The following SSH2 variants were observed in gnomAD, a reference collection of about 807,000 sequenced individuals.
SSH2 encodes the protein slingshot protein phosphatase 2.
A neutral mutation model predicts 135.2 loss-of-function variants in SSH2; 37 were observed. The ratio of observed to expected loss-of-function variants is 0.27; its 90% CI spans 0.21 to 0.36. SSH2 has a LOEUF of 0.36. Ranked by LOEUF, SSH2 falls within the 10% of genes least tolerant of loss-of-function variation. The probability of loss-of-function intolerance (pLI) is 1.00; values close to 1 mark genes in which losing one functional copy is unlikely to be tolerated. For missense variants in SSH2, 1,408 were observed against 1,765.3 expected (o/e 0.80, Z 3.63); for synonymous variants, 628 against 646.2 (o/e 0.97, Z 0.43).
chr17:29,703,766 A>G (rs537037933), intron 3 of SSH2, among the ~76,000 whole-genome samples: 12 of 151,954 alleles, frequency 7.9e-5, no homozygotes, highest in African/African-American at 2.9e-4. Flanking sequence ...TTTAATAGAG[A>G]TGGGGTTTTA....
At chr17:29,777,308 T>G (rs1459541641) in intron 3 of SSH2, among the ~76,000 whole-genome samples, 1 of 152,216 alleles carries the variant, frequency 6.6e-6, no homozygotes, top group Admixed American at 6.5e-5. Flanking sequence ...CTAGTTCTTA[T>G]TGGAAAGGCC....
At chr17:29,865,098 C>A (rs907613332) in intron 1 of SSH2, among the ~76,000 whole-genome samples, 49 of 152,178 alleles carry the variant, frequency 3.2e-4, no homozygotes, top group Admixed American at 5.9e-4. Context: ...TCTCCAGGCA[C>A]TGAAGAAACA....
chr17:29,665,718 C>T (rs1354785492), intron 11 of SSH2, among the ~76,000 whole-genome samples: 1 of 152,126 alleles, frequency 6.6e-6, no homozygotes, highest in Non-Finnish European at 1.5e-5. Flanking sequence ...TAACTTTGTT[C>T]CCACTAAATG....
Position 29,631,200 on chromosome 17 carries a change from G to T in SSH2, c.3994C>A (p.Gln1332Lys). The T allele has an allele frequency of 6.2e-7, 1 of 1,614,078 alleles. No individual in the cohort carries two copies. The highest frequency in any genetic ancestry group is 8.5e-7 in the Non-Finnish European group (1 of 1,180,028). ...TDSGMHAMED[Q>K]ESLENPGAPH... ...GCACCTGGGTTTTCTAGGGACTCTT[G>T]GTCCTCCATCGCGTGCATGCCTGAG... The change falls in exon 16 of 16, where the codon CAA becomes AAA. Residue 1332 changes from glutamine (Q) to lysine (K), a missense_variant. Physicochemically the swap from Gln to Lys is moderately conservative, Grantham distance 53. Transcript: ENST00000540801.
At chr17:29,714,592 A>C (rs1215811236) in intron 3 of SSH2, among the ~76,000 whole-genome samples, 1 of 152,046 alleles carries the variant, frequency 6.6e-6, no homozygotes, top group African/African-American at 2.4e-5. Context: ...ATCCTACTAT[A>C]ATCTTAAGAC....
At chr17:29,837,425 T>C (rs2042960816) in intron 2 of SSH2, among the ~76,000 whole-genome samples, 2 of 152,206 alleles carry the variant, frequency 1.3e-5, no homozygotes, top group African/African-American at 4.8e-5. Context: ...TTTCCAGTGA[T>C]AGATACCATC....
intron 3 of SSH2, among the ~76,000 whole-genome samples, chr17:29,766,020 C>CAAAAAAAAA: frequency 9.9e-6 from 1 of 100,626 alleles, no homozygotes; most frequent in Non-Finnish European, 2.0e-5. Context: ...ACTCCGTCTC[C>CAAAAAAAAA]AAAAAAAAAA....
chr17:29,839,814 G>A (rs891181003), intron 2 of SSH2, among the ~76,000 whole-genome samples: 1 of 152,170 alleles, frequency 6.6e-6, no homozygotes, highest in Non-Finnish European at 1.5e-5. Context: ...CAAGGGCAAA[G>A]GCAATCCAGC....
chr17:29,714,573 A>G (rs931639655), intron 3 of SSH2, among the ~76,000 whole-genome samples: 2 of 151,988 alleles, frequency 1.3e-5, no homozygotes, highest in Non-Finnish European at 2.9e-5. Flanking sequence ...TCTTTCCCCA[A>G]TTCCCCAAAT....
intron 1 of SSH2, among the ~76,000 whole-genome samples, chr17:29,907,062 G>A (rs1174165464): frequency 6.6e-6 from 1 of 152,134 alleles, no homozygotes; most frequent in Admixed American, 6.5e-5. Context: ...ACATGCACAC[G>A]TATGTTGACT....
In SSH2 at chr17:29,848,738, TC is replaced by T. The variant is rs1396363864; in HGVS notation, c.144+110del. The T allele has an allele frequency of 1.1e-4, 73 of 663,532 alleles. 1 individual carries two copies. The South Asian group carries it at 1.5e-3, about 14-fold the overall frequency. The allele number at this position is 663,532 out of a possible 1,614,324, so 41.1% of individuals were successfully genotyped here. A position where few individuals can be genotyped will look rare whatever the true frequency, so the allele number is the denominator to read the frequency against. On this transcript the variant is annotated intron_variant, in intron 2 of 15. Transcript: ENST00000540801. ...TTCCCAGACATTTGGCTGAATGGGG[TC>T]AAATAGATAAAATAATAGGCACTAT... is the stretch of plus-strand genomic sequence containing the variant.
At chr17:29,653,682 G>A (rs191051702) in intron 12 of SSH2, among the ~76,000 whole-genome samples, 2 of 152,168 alleles carry the variant, frequency 1.3e-5, no homozygotes, top group East Asian at 1.9e-4. Context: ...CACCTCCCGG[G>A]TTCAAGCAAT....
intron 3 of SSH2, among the ~76,000 whole-genome samples, chr17:29,753,350 G>A (rs1362673446): frequency 6.6e-6 from 1 of 151,456 alleles, no homozygotes; most frequent in Non-Finnish European, 1.5e-5. Context: ...GGCTGGTCTC[G>A]AACTCCTGAC....
chr17:29,690,337 G>A (rs147529200), intron 5 of SSH2, among the ~76,000 whole-genome samples: 8,076 of 151,588 alleles, frequency 0.053, 324 homozygotes, highest in Non-Finnish European at 0.085. Flanking sequence ...CCTGGGAGGC[G>A]GAGGTTGTGG....
intron 3 of SSH2, among the ~76,000 whole-genome samples, chr17:29,708,576 G>A (rs1228187377): frequency 2.2e-5 from 3 of 139,370 alleles, no homozygotes; most frequent in Admixed American, 7.5e-5. Flanking sequence ...GACGACAGAG[G>A]GGAACTCTGC....
intron 2 of SSH2, among the ~76,000 whole-genome samples, chr17:29,795,967 T>C (rs1371930254): frequency 6.6e-6 from 1 of 152,214 alleles, no homozygotes; most frequent in African/African-American, 2.4e-5. Flanking sequence ...GGTCTCAAAC[T>C]CCTGAACTCA....
In SSH2 at chr17:29,850,174, C is replaced by T. The variant is rs79586058; in HGVS notation, c.64-1245G>A. Among the ~76,000 whole-genome samples the T allele has an allele frequency of 2.8e-3, 418 of 151,988 alleles. 1 individual carries two copies. The highest frequency in any genetic ancestry group is 4.4e-3 in the Non-Finnish European group (297 of 67,964). ...TAGAAGACAGACAAGGAAAATAAGA[C>T]AAAGGAGTGAAATAATTAGCTGGTA... On this transcript the variant is annotated intron_variant, in intron 1 of 15. Transcript: ENST00000540801.
At chr17:29,674,553 C>G (rs1171926751) in intron 8 of SSH2, among the ~76,000 whole-genome samples, 1 of 152,170 alleles carries the variant, frequency 6.6e-6, no homozygotes, top group Admixed American at 6.6e-5. Flanking sequence ...GAAGGAAACA[C>G]CTGGTCTAAA....
At chr17:29,891,230 A>T (rs973357706) in intron 1 of SSH2, among the ~76,000 whole-genome samples, 4 of 152,114 alleles carry the variant, frequency 2.6e-5, no homozygotes, top group African/African-American at 9.7e-5. Context: ...ACTTAACAGA[A>T]TCACCCAAGA....
Sources: allele counts gnomAD v4.1 joint callset (sites outside exome capture counted in the v4.1 genomes callset), GRCh38; gene constraint gnomAD v4.1.1; transcripts MANE v1.5; gene names NCBI Gene and HGNC (gene_info 2026-07-23, HGNC 2026-07-21).